Variants in ARHGEF9 observed in about 807,000 individuals in gnomAD.
ARHGEF9 encodes Cdc42 guanine nucleotide exchange factor 9, also known as rho guanine nucleotide exchange factor 9.
Under a neutral mutation model 41.3 loss-of-function variants are expected in ARHGEF9, and 2 were observed. The ratio of observed to expected loss-of-function variants is 0.05; its 90% confidence interval spans 0.02 to 0.15. The LOEUF is 0.15. ARHGEF9 is among the 10% of genes least tolerant of loss of function. The probability of loss-of-function intolerance (pLI) is 1.00; values close to 1 mark genes in which losing one functional copy is unlikely to be tolerated. For missense variants in ARHGEF9, 225 were observed against 424.7 expected, an observed-to-expected ratio of 0.53 and a Z score of 4.13; for synonymous variants, 160 against 154.4, an observed-to-expected ratio of 1.04 and a Z score of -0.27.
chrX:63,667,866 G>A (rs2049677733), intron 6 of ARHGEF9, among the ~76,000 whole-genome samples: 1 of 110,994 alleles, frequency 9.0e-6, no homozygotes. Context: ...AAGCCACCAG[G>A]TTAGGGAGCA....
chrX:63,685,673 C>T (rs1556374789), intron 4 of ARHGEF9, among the ~76,000 whole-genome samples: 1 of 111,546 alleles, frequency 9.0e-6, no homozygotes, highest in African/African-American at 3.3e-5. Context: ...CACATATATG[C>T]TTAATTGATT....
intron 6 of ARHGEF9, among the ~76,000 whole-genome samples, chrX:63,672,944 C>T (rs1278930938): frequency 8.9e-6 from 1 of 112,015 alleles, no homozygotes; most frequent in Admixed American, 9.5e-5. Context: ...GAATGAGGGT[C>T]TCTTCATCTA....
chrX:63,720,805 G>A (rs1468007107), intron 2 of ARHGEF9, among the ~76,000 whole-genome samples: 1 of 112,271 alleles, frequency 8.9e-6, no homozygotes, highest in African/African-American at 3.2e-5. Flanking sequence ...CTCTCACTGT[G>A]CTTCTTTAAA....
rs146055033 is a variant in ARHGEF9 at position 63,780,326 on chromosome X, G to A, written c.30+4790C>T. Among the ~76,000 whole-genome samples the A allele has an allele frequency of 1.3e-4, 14 of 111,302 alleles. No homozygotes were observed. In the East Asian group the frequency reaches 3.7e-3, roughly 29 times the overall value. ...AAAGTAAAATCAGCTGTTAAACCTTGCAGTTGGTCATTCCATCTGGAGAGA... is the reference window on the plus strand; with the variant it reads ...AAAGTAAAATCAGCTGTTAAACCTTACAGTTGGTCATTCCATCTGGAGAGA... On this transcript the variant is annotated intron_variant, in intron 1 of 9. Coordinates refer to ENST00000671741, the MANE Select transcript of ARHGEF9 (RefSeq NM_001353921.2).
chrX:63,759,267 AT>A lies in ARHGEF9; in HGVS notation c.30+25848del, dbSNP rs2055991459. Among the ~76,000 whole-genome samples the A allele has an allele frequency of 2.7e-5, 3 of 110,527 alleles. 1 individual carries two copies. Among genetic ancestry groups the A allele is most frequent in the Non-Finnish European group, 5.7e-5 (3 of 52,774 alleles). On this transcript the variant is annotated intron_variant, in intron 1 of 9. Transcript: ENST00000671741. ...ATGTGACCAATCAACTTTGCTCACA[AT>A]TTTTTTTAATGGAGTCCTCTACATT...
intron 1 of ARHGEF9, among the ~76,000 whole-genome samples, chrX:63,762,488 C>CT (rs1468436273): frequency 9.0e-6 from 1 of 111,197 alleles, no homozygotes; most frequent in Non-Finnish European, 1.9e-5. Flanking sequence ...CAATGAGACT[C>CT]TAAGTGAAGA....
rs190682514 is a variant in ARHGEF9, at chrX:63,664,358, G to A, written c.1077+1528C>T. 3.3e-3 allele frequency among the ~76,000 whole-genome samples: 373 copies of A among 112,494 alleles called. 3 individuals carry two copies. The highest frequency in any genetic ancestry group is 5.9e-3 in the Admixed American group (63 of 10,617). On this transcript the variant is annotated intron_variant, in intron 7 of 9. Transcript: ENST00000671741. The stretch of plus-strand genomic sequence containing the variant: ...TTCTAGAGCCTAGTTTCACAATTTA[G>A]TTAAAGTAATCCCAGCCTTGGCTAA...
chrX:63,706,395 C>T lies in ARHGEF9; in HGVS notation c.265G>A (p.Gly89Arg), dbSNP rs267606493. The T allele has an allele frequency of 1.7e-6, 2 of 1,207,249 alleles. No homozygotes were observed. Among genetic ancestry groups the T allele is most frequent in the Non-Finnish European group, 2.2e-6 (2 of 893,551 alleles). The change falls in exon 3 of 10, where the codon GGA becomes AGA. Residue 89 changes from glycine (G) to arginine (R), a missense_variant. Physicochemically the swap from Gly to Arg is moderately radical, Grantham distance 125. Transcript: ENST00000671741. ...VEEGPSDVQN[G>R]HLDPNSDCLC... ...CAGTCTGAATTGGGGTCCAGGTGTC[C>T]GTTCTGCACATCGCTGGGCCCCTCC...
At chrX:63,709,759 G>A (rs1226504156) in intron 2 of ARHGEF9, among the ~76,000 whole-genome samples, 9 of 110,963 alleles carry the variant, frequency 8.1e-5, no homozygotes, top group Non-Finnish European at 1.7e-4. Flanking sequence ...TCCCAGACTG[G>A]TCTATTTTCC....
At chrX:63,669,152 A>T (rs1364370718) in intron 6 of ARHGEF9, among the ~76,000 whole-genome samples, 1 of 111,955 alleles carries the variant, frequency 8.9e-6, no homozygotes, top group East Asian at 2.8e-4. Context: ...TGGAAAGGAG[A>T]CAGCCCTCTC....
At chrX:63,657,142 G>C (rs1243102050) in intron 7 of ARHGEF9, 1 of 112,192 alleles carries the variant, frequency 8.9e-6, no homozygotes, top group Non-Finnish European at 1.9e-5. Context: ...CTTCGGGCCA[G>C]CTCTCCCTCC....
At chrX:63,693,611 CAA>C (rs782546360) in intron 4 of ARHGEF9, among the ~76,000 whole-genome samples, 1 of 33,596 alleles carries the variant, frequency 3.0e-5, no homozygotes. Flanking sequence ...GATTCCATCT[CAA>C]AAAAAAAAAA....
At chrX:63,706,199 G>A in intron 3 of ARHGEF9, 59 bp downstream of exon 3, 3 of 1,126,586 alleles carry the variant, frequency 2.7e-6, no homozygotes, top group Non-Finnish European at 3.6e-6. Context: ...TCACAGGCAG[G>A]GCCCAGGAGG....
At chrX:63,745,772 T>C (rs2055234068) in intron 1 of ARHGEF9, among the ~76,000 whole-genome samples, 2 of 111,342 alleles carry the variant, frequency 1.8e-5, no homozygotes, top group South Asian at 7.6e-4. Context: ...CACACAACTC[T>C]ATCCAAGGAT....
intron 7 of ARHGEF9, among the ~76,000 whole-genome samples, chrX:63,659,558 T>C (rs1169790850): frequency 4.5e-5 from 5 of 111,372 alleles, no homozygotes; most frequent in Non-Finnish European, 9.4e-5. Flanking sequence ...TTCAGGATTG[T>C]AGCCTGCTTC....
intron 1 of ARHGEF9, among the ~76,000 whole-genome samples, chrX:63,745,120 G>C (rs1337027238): frequency 1.2e-5 from 1 of 82,251 alleles, no homozygotes; most frequent in Non-Finnish European, 2.3e-5. Context: ...CTGAGGGGGT[G>C]GGGGGTGGGC....
intron 1 of ARHGEF9, among the ~76,000 whole-genome samples, chrX:63,757,305 G>T (rs1288027087): frequency 8.9e-6 from 1 of 111,818 alleles, no homozygotes; most frequent in East Asian, 2.8e-4. Context: ...GACCTTGCTT[G>T]CACGTAAGCA....
intron 1 of ARHGEF9, among the ~76,000 whole-genome samples, chrX:63,726,198 T>C (rs1242411733): frequency 8.9e-6 from 1 of 111,821 alleles, no homozygotes; most frequent in South Asian, 3.7e-4. Context: ...AGATAAAAAA[T>C]AAATTTCCAG....
chrX:63,738,077 C>T (rs1450669582), intron 1 of ARHGEF9, among the ~76,000 whole-genome samples: 2 of 111,910 alleles, frequency 1.8e-5, no homozygotes, highest in African/African-American at 6.5e-5. Flanking sequence ...GAATCCAAAC[C>T]TGAACCCAGA....
Sources: allele counts gnomAD v4.1 joint callset (sites outside exome capture counted in the v4.1 genomes callset), GRCh38; gene constraint gnomAD v4.1.1; transcripts MANE v1.5; gene names NCBI Gene and HGNC (gene_info 2026-07-23, HGNC 2026-07-21).